DPP6: variants seen among roughly 807,000 people sequenced by gnomAD.
DPP6 encodes A-type potassium channel modulatory protein DPP6.
In DPP6, 69 loss-of-function variants were observed where a neutral mutation model predicts 122.6. That is an observed-to-expected ratio of 0.56 (90% CI 0.46 to 0.69). The LOEUF (loss-of-function observed/expected upper bound fraction) is 0.69, where lower values mean the gene tolerates loss of function less well. Among genes scored for constraint, DPP6 ranks in the 30% least tolerant of loss-of-function variants. The pLI is 0.00. For synonymous variants in DPP6, 418 were observed against 433.1 expected (o/e 0.97, Z 0.43); for missense variants, 928 against 1,116.9 (o/e 0.83, Z 2.41).
chr7:154,768,389 T>G (rs1796037603), intron 8 of DPP6, among the ~76,000 whole-genome samples: 1 of 152,220 alleles, frequency 6.6e-6, no homozygotes, highest in South Asian at 2.1e-4. Context: ...TTAATCACCT[T>G]TCTACACTAC....
intron 9 of DPP6, among the ~76,000 whole-genome samples, chr7:154,771,701 T>C (rs760855861): frequency 2.0e-5 from 3 of 152,246 alleles, no homozygotes; most frequent in Non-Finnish European, 2.9e-5. Context: ...ACAGCCTTCC[T>C]TTCTGCCTTT....
chr7:153,777,420 C>T, the DPP6 span, among the ~76,000 whole-genome samples: 8 of 138,498 alleles, frequency 5.8e-5, no homozygotes, highest in Admixed American at 4.6e-4. Context: ...GGTGTGCTCA[C>T]ATAAAAACCT....
intron 1 of DPP6, among the ~76,000 whole-genome samples, chr7:154,416,392 C>A (rs1817017940): frequency 6.6e-6 from 1 of 152,168 alleles, no homozygotes; most frequent in African/African-American, 2.4e-5. Context: ...GGCATTGTAT[C>A]ATCTCAGATC....
At chr7:154,190,469 A>G (rs528015062) in intron 1 of DPP6, among the ~76,000 whole-genome samples, 11 of 152,348 alleles carry the variant, frequency 7.2e-5, no homozygotes, top group African/African-American at 2.4e-4. Flanking sequence ...TTGAAAAATC[A>G]TATCTCAATC....
chr7:154,342,276 C>T (rs1322062854), intron 1 of DPP6, among the ~76,000 whole-genome samples: 1 of 152,160 alleles, frequency 6.6e-6, no homozygotes, highest in Non-Finnish European at 1.5e-5. Flanking sequence ...AAAGGAATGC[C>T]TCTGAATTGG....
intron 4 of DPP6, among the ~76,000 whole-genome samples, chr7:154,561,778 G>A (rs991765744): frequency 2.0e-5 from 3 of 151,888 alleles, no homozygotes; most frequent in African/African-American, 4.8e-5. Flanking sequence ...AATCAATCAA[G>A]AGCAAAGATA....
chr7:154,522,883 T>C (rs1025540600), intron 3 of DPP6, among the ~76,000 whole-genome samples: 1 of 152,204 alleles, frequency 6.6e-6, no homozygotes, highest in Non-Finnish European at 1.5e-5. Context: ...CCACTTCCTG[T>C]ACTTGTTTTA....
chr7:154,541,668 G>C (rs762355729), intron 4 of DPP6, among the ~76,000 whole-genome samples: 69 of 152,326 alleles, frequency 4.5e-4, no homozygotes, highest in Non-Finnish European at 7.2e-4. Context: ...TTAAAGCTAT[G>C]TTAAAAAGCA....
intron 1 of DPP6, among the ~76,000 whole-genome samples, chr7:154,223,151 C>T (rs1800403113): frequency 1.3e-5 from 2 of 148,416 alleles, no homozygotes; most frequent in Admixed American, 1.3e-4. Context: ...CATGACAAAC[C>T]CCAGGTGAAT....
intron 1 of DPP6, among the ~76,000 whole-genome samples, chr7:154,295,969 G>A (rs1805513549): frequency 7.2e-6 from 1 of 139,542 alleles, no homozygotes. Flanking sequence ...TTTTGAGACA[G>A]AGTCTCTCTC....
intron 1 of DPP6, among the ~76,000 whole-genome samples, chr7:154,386,944 G>GTGTC (rs1610990): frequency 6.6e-6 from 1 of 151,408 alleles, no homozygotes; most frequent in African/African-American, 2.4e-5. Context: ...TTGAGCATGG[G>GTGTC]TGGGCAGGTG....
At chr7:153,827,652 C>G in the DPP6 span, among the ~76,000 whole-genome samples, 1 of 152,210 alleles carries the variant, frequency 6.6e-6, no homozygotes, top group Admixed American at 6.5e-5. Flanking sequence ...AGCGGCCACT[C>G]TAGTCCAACA....
At chr7:154,588,857 A>C (rs1323030647) in intron 5 of DPP6, among the ~76,000 whole-genome samples, 1 of 152,206 alleles carries the variant, frequency 6.6e-6, no homozygotes, top group Non-Finnish European at 1.5e-5. Flanking sequence ...TTAAACTGTG[A>C]CAGTTTAGAC....
intron 1 of DPP6, among the ~76,000 whole-genome samples, chr7:153,962,899 A>C (rs1795427183): frequency 6.6e-6 from 1 of 152,126 alleles, no homozygotes; most frequent in Non-Finnish European, 1.5e-5. Flanking sequence ...TATTCTTGGA[A>C]TGCTCTTCCT....
chr7:154,538,577 A>C (rs1456903837), intron 3 of DPP6, among the ~76,000 whole-genome samples: 1 of 152,322 alleles, frequency 6.6e-6, no homozygotes, highest in Admixed American at 6.5e-5. Flanking sequence ...ATCTTCATCC[A>C]TTGAAGGCAA....
At chr7:154,042,273 T>C (rs4725518) in intron 1 of DPP6, among the ~76,000 whole-genome samples, 16,050 of 152,112 alleles carry the variant, frequency 0.11, 943 homozygotes, top group Middle Eastern at 0.15. Context: ...CCTTAACTTG[T>C]GGATATTCTA....
intron 2 of DPP6, among the ~76,000 whole-genome samples, chr7:154,456,564 G>GC (rs369438653): frequency 0.072 from 6,935 of 96,746 alleles, 185 homozygotes; most frequent in East Asian, 0.33. Context: ...TAAAAAATGC[G>GC]CCCCCCCCAC....
chr7:153,920,580 T>TTTTTTTTTTTTTTA, intron 1 of DPP6, among the ~76,000 whole-genome samples: 1 of 144,812 alleles, frequency 6.9e-6, no homozygotes, highest in African/African-American at 2.6e-5. Context: ...TTTTTTTTTT[T>TTTTTTTTTTTTTTA]GAGATGGAGT....
intron 1 of DPP6, among the ~76,000 whole-genome samples, chr7:154,437,655 G>T (rs901772846): frequency 2.0e-5 from 3 of 152,188 alleles, no homozygotes; most frequent in Non-Finnish European, 4.4e-5. Flanking sequence ...TAAACCAAAG[G>T]CCAGGTGTGG....
Sources: allele counts gnomAD v4.1 joint callset (sites outside exome capture counted in the v4.1 genomes callset), GRCh38; gene constraint gnomAD v4.1.1; transcripts MANE v1.5; gene names NCBI Gene and HGNC (gene_info 2026-07-23, HGNC 2026-07-21).